The following ATP9A variants were observed in gnomAD, a reference collection of about 807,000 sequenced individuals.
ATP9A encodes the protein ATPase phospholipid transporting 9A, also known as probable phospholipid-transporting ATPase IIA.
In ATP9A, 52 loss-of-function variants were observed where a neutral mutation model predicts 144.1. The ratio of observed to expected loss-of-function variants is 0.36; its 90% confidence interval spans 0.29 to 0.45. ATP9A has a LOEUF of 0.45. Ranked by LOEUF, ATP9A falls within the 20% of genes least tolerant of loss-of-function variation. The probability of loss-of-function intolerance (pLI) is 1.00; values close to 1 mark genes in which losing one functional copy is unlikely to be tolerated. For missense variants in ATP9A, 947 were observed against 1,392.7 expected (o/e 0.68, Z 5.09); for synonymous variants, 582 against 557.4 (o/e 1.04, Z -0.62).
At chr20:51,720,045 T>A (rs2077682076) in intron 3 of ATP9A, among the ~76,000 whole-genome samples, 1 of 152,224 alleles carries the variant, frequency 6.6e-6, no homozygotes. Context: ...AGTGAGACTC[T>A]CAATGAATCA....
At chr20:51,741,530 T>C (rs901984874) in intron 1 of ATP9A, among the ~76,000 whole-genome samples, 4 of 150,384 alleles carry the variant, frequency 2.7e-5, no homozygotes, top group Non-Finnish European at 5.9e-5. Flanking sequence ...TGAGCCGAGA[T>C]CACACCATTG....
At chr20:51,734,282 C>T (rs2077754261) in intron 1 of ATP9A, among the ~76,000 whole-genome samples, 1 of 152,086 alleles carries the variant, frequency 6.6e-6, no homozygotes, top group African/African-American at 2.4e-5. Context: ...CCCACTCAGC[C>T]CCTCCTGCCT....
At chr20:51,700,735 C>T (rs982829686) in intron 4 of ATP9A, among the ~76,000 whole-genome samples, 7 of 152,180 alleles carry the variant, frequency 4.6e-5, no homozygotes, top group Non-Finnish European at 8.8e-5. Flanking sequence ...GAGGCTGAAG[C>T]AGGAGAATCG....
At chr20:51,608,854 T>G (rs1264642419) in intron 24 of ATP9A, among the ~76,000 whole-genome samples, 1 of 151,722 alleles carries the variant, frequency 6.6e-6, no homozygotes, top group Non-Finnish European at 1.5e-5. Flanking sequence ...AACAAATAAA[T>G]TAGGTAAACT....
rs767201951 is a variant in ATP9A at position 51,671,222 on chromosome 20, T to A, written c.1073A>T (p.Tyr358Phe). 1.5e-5 allele frequency: 24 copies of A among 1,614,006 alleles called. No individual in the cohort carries two copies. The East Asian group carries it at 4.0e-4, about 27-fold the overall frequency. The change falls in exon 12 of 28, where the codon TAC (tyrosine) becomes TTC (phenylalanine). Residue 358 changes from tyrosine (Y) to phenylalanine (F), a missense_variant. This residue lies in a region of ATP9A where 770 missense variants were observed against 1,047.9 expected (regional missense o/e 0.73). Transcript: ENST00000338821. ...CGAGTCCCTTCGAATCACCCAGCTG[T>A]ACACGATCTTGCCCATGTCCAGGTT... The part of the protein sequence containing the change: ...RVNLDMGKIV[Y>F]SWVIRRDSKI...
intron 1 of ATP9A, among the ~76,000 whole-genome samples, chr20:51,741,563 G>C (rs1298295624): frequency 6.6e-6 from 1 of 151,966 alleles, no homozygotes; most frequent in Non-Finnish European, 1.5e-5. Context: ...GACAATAAGA[G>C]CAAAACTCCG....
At chr20:51,606,800 C>G (rs1399045442) in intron 26 of ATP9A, among the ~76,000 whole-genome samples, 1 of 151,962 alleles carries the variant, frequency 6.6e-6, no homozygotes, top group Non-Finnish European at 1.5e-5. Flanking sequence ...TCACCTGAGC[C>G]TGGGGAGGTC....
intron 9 of ATP9A, among the ~76,000 whole-genome samples, chr20:51,682,203 C>T (rs2077502660): frequency 1.3e-5 from 2 of 151,994 alleles, no homozygotes; most frequent in South Asian, 4.1e-4. Flanking sequence ...ATGCAATTTA[C>T]CCGTGTAGCA....
At chr20:51,615,088 T>C (rs1263319433) in intron 22 of ATP9A, among the ~76,000 whole-genome samples, 2 of 526 alleles carry the variant, frequency 3.8e-3, no homozygotes, top group Non-Finnish European at 7.8e-3. Flanking sequence ...TGGGGGTGCC[T>C]GGGGGGGCGG....
At chr20:51,628,144 A>G (rs2077257310) in intron 16 of ATP9A, among the ~76,000 whole-genome samples, 1 of 152,216 alleles carries the variant, frequency 6.6e-6, no homozygotes, top group Non-Finnish European at 1.5e-5. Context: ...CTCTGCTCAA[A>G]ATCACAACCT....
intron 1 of ATP9A, among the ~76,000 whole-genome samples, chr20:51,759,338 A>G (rs2077869507): frequency 6.6e-6 from 1 of 152,204 alleles, no homozygotes; most frequent in South Asian, 2.1e-4. Context: ...TATGCTTGGT[A>G]TCTAATACTC....
rs775308955 is a variant in ATP9A, at chr20:51,619,041, C to T, written c.2118G>A (p.Val706=). Residue 706 remains valine, a splice_region_variant and synonymous_variant, in exon 20 of 28, where the codon GTG becomes GTA. Transcript: ENST00000338821. ...RNQDIHVFRL[V]TNRGEAHLEL... The stretch of plus-strand genomic sequence containing the variant: ...CGAGGTGAGCCTCCCCGCGGTTGGT[C>T]ACCTGGAAGGGAACAGAGATGGGGA... The T allele has an allele frequency of 1.9e-6, 3 of 1,613,746 alleles. No homozygotes were observed. The South Asian group carries it at 3.3e-5, about 18-fold the overall frequency.
At chr20:51,612,060 C>A (rs998395110) in intron 23 of ATP9A, among the ~76,000 whole-genome samples, 1 of 152,198 alleles carries the variant, frequency 6.6e-6, no homozygotes, top group Non-Finnish European at 1.5e-5. Context: ...TATTTCACTT[C>A]TACTAATCAC....
At chr20:51,745,318 C>T (rs971925461) in intron 1 of ATP9A, among the ~76,000 whole-genome samples, 6 of 151,308 alleles carry the variant, frequency 4.0e-5, no homozygotes, top group African/African-American at 1.5e-4. Context: ...GCCTGTAGTC[C>T]CAGCTATTGG....
At chr20:51,709,016 A>T (rs1477538972) in intron 4 of ATP9A, among the ~76,000 whole-genome samples, 1 of 152,210 alleles carries the variant, frequency 6.6e-6, no homozygotes, top group Non-Finnish European at 1.5e-5. Flanking sequence ...TTTAAAAAGG[A>T]TTGTAAATTA....
intron 1 of ATP9A, among the ~76,000 whole-genome samples, chr20:51,744,220 C>T (rs2077797803): frequency 6.6e-6 from 1 of 152,054 alleles, no homozygotes; most frequent in Non-Finnish European, 1.5e-5. Flanking sequence ...GGCTGGAATG[C>T]AGTGGCCCAA....
rs764670010 is a variant in ATP9A, at chr20:51,639,472, G to A, written c.1539C>T (p.Gly513=). ...ACTGGTCTCGGCCCACCAGGGTTAAGCCCACACTTTCCGTCCACTGTACCA... is the reference window on the plus strand; with the variant it reads ...ACTGGTCTCGGCCCACCAGGGTTAAACCCACACTTTCCGTCCACTGTACCA... ...VALVQWTESV[G]LTLVGRDQSS... is the part of the protein sequence containing the mutation. The change falls in exon 15 of 28, where the codon GGC becomes GGT. Residue 513 remains glycine, a synonymous_variant. Coordinates refer to ENST00000338821, the MANE Select transcript of ATP9A (RefSeq NM_006045.3). 1.2e-6 allele frequency: 2 copies of A among 1,613,202 alleles called. No homozygotes were observed. The highest frequency in any genetic ancestry group is 1.1e-5 in the South Asian group (1 of 91,002).
intron 13 of ATP9A, among the ~76,000 whole-genome samples, chr20:51,662,940 GGCACC>G (rs2077416941): frequency 1.3e-5 from 2 of 151,826 alleles, no homozygotes; most frequent in African/African-American, 4.8e-5. Flanking sequence ...CATGGTGGCA[GGCACC>G]TGTAATCCCA....
In ATP9A at chr20:51,600,182, G is replaced by A. The variant is rs1175164015; in HGVS notation, c.*1029C>T. 6.6e-6 allele frequency: 1 copy of A among 152,210 alleles called. No individual in the cohort carries two copies. Among genetic ancestry groups the A allele is most frequent in the East Asian group, 1.9e-4 (1 of 5,196 alleles). The allele number at this position is 152,210 out of a possible 1,614,324, so 9.4% of individuals were successfully genotyped here. A position where few individuals can be genotyped will look rare whatever the true frequency, so the allele number is the denominator to read the frequency against. On this transcript the variant is annotated 3_prime_UTR_variant, in exon 28 of 28. Coordinates refer to ENST00000338821, the MANE Select transcript of ATP9A (RefSeq NM_006045.3). ...CAGTGTTGTTCCGAAAGATGCCTCT[G>A]CCTTTGTGGGGTCATCTTCCATTAT...
Sources: allele counts gnomAD v4.1 joint callset (sites outside exome capture counted in the v4.1 genomes callset), GRCh38; gene constraint gnomAD v4.1.1; regional missense constraint gnomAD v4.1.1; transcripts MANE v1.5; gene names NCBI Gene and HGNC (gene_info 2026-07-23, HGNC 2026-07-21).